The following RNF8 variants were observed in gnomAD, a reference collection of about 807,000 sequenced individuals.
The protein encoded by RNF8 is E3 ubiquitin-protein ligase RNF8.
In RNF8, 8 loss-of-function variants were observed where a neutral mutation model predicts 59.3. The observed-to-expected ratio is 0.13, with a 90% CI of 0.08 to 0.24. The LOEUF (loss-of-function observed/expected upper bound fraction) is 0.24, where lower values mean the gene tolerates loss of function less well. RNF8 is among the 10% of genes least tolerant of loss of function. The probability of loss-of-function intolerance (pLI) is 1.00; values close to 1 mark genes in which losing one functional copy is unlikely to be tolerated. For missense variants in RNF8, 406 were observed against 572.6 expected (o/e 0.71, Z 2.97); for synonymous variants, 162 against 200.0 (o/e 0.81, Z 1.60).
At chr6:37,361,770 T>C (rs1427846895) in intron 2 of RNF8, among the ~76,000 whole-genome samples, 1 of 152,196 alleles carries the variant, frequency 6.6e-6, no homozygotes, top group Non-Finnish European at 1.5e-5. Flanking sequence ...TAGAATTAAG[T>C]TGAGTTGGCA....
At position 37,360,244 on chromosome 6, in the gene RNF8, T is replaced by C. The variant is rs1213554033; in HGVS notation, c.112-202T>C. On this transcript the variant is annotated intron_variant, in intron 1 of 7. Transcript: ENST00000373479. This position sits in a 1 kb window ranked among gnomAD's most constrained non-coding sequence, Gnocchi z 4.2. ...ATAACTCTTTTTCAGCTTTCTCTTG[T>C]TGTCACAACCGTTTGCCTTTTTCTA... Among the ~76,000 whole-genome samples the C allele has an allele frequency of 6.6e-6, 1 of 152,196 alleles. No individual in the cohort carries two copies. Among genetic ancestry groups the C allele is most frequent in the Non-Finnish European group, 1.5e-5 (1 of 68,032 alleles).
rs1238752670 is a variant in RNF8, at chr6:37,392,692, A to G, written c.*1934A>G. The G allele has an allele frequency of 7.5e-6, 3 of 398,362 alleles. No individual in the cohort carries two copies. The highest frequency in any genetic ancestry group is 1.3e-5 in the Non-Finnish European group (3 of 226,020). The allele number at this position is 398,362 out of a possible 1,614,324, so 24.7% of individuals were successfully genotyped here. ...TCATTGTGTATTTGCACCATCATTT[A>G]CTTTTCTGGCTTACTTTTGATAGAA... On this transcript the variant is annotated 3_prime_UTR_variant, in exon 8 of 8. Coordinates refer to ENST00000373479, the MANE Select transcript of RNF8 (RefSeq NM_003958.4).
At position 37,393,861 on chromosome 6, in the gene RNF8, C is replaced by T. The variant is rs537049358; in HGVS notation, c.*3103C>T. 1 of 152,372 alleles carries T rather than the reference C, an allele frequency of 6.6e-6. No individual in the cohort carries two copies. The highest frequency in any genetic ancestry group is 1.9e-4 in the East Asian group (1 of 5,184). 9.4% of individuals were successfully genotyped at this position (152,372 alleles called of 1,614,324 possible). On this transcript the variant is annotated 3_prime_UTR_variant, in exon 8 of 8. Transcript: ENST00000373479. ...TCCAGTTCTCTCACTACTTTTTCCT[C>T]CTCTGTGAGTGACCATCCAGGCAGT...
chr6:37,387,393 T>TGCAGTGGCATGATCTCA (rs1274054121), intron 7 of RNF8, among the ~76,000 whole-genome samples: 2 of 152,190 alleles, frequency 1.3e-5, no homozygotes, highest in Non-Finnish European at 2.9e-5. Context: ...CCAGGCTGAG[T>TGCAGTGGCATGATCTCA]GCAGTGGCAT....
chr6:37,383,434 G>A (rs538435952), intron 7 of RNF8, among the ~76,000 whole-genome samples: 1 of 152,336 alleles, frequency 6.6e-6, no homozygotes, highest in South Asian at 2.1e-4. Flanking sequence ...TTAGGATCTG[G>A]AAACTAGGAT....
At chr6:37,365,983 C>G (rs1769535856) in intron 2 of RNF8, among the ~76,000 whole-genome samples, 2 of 152,096 alleles carry the variant, frequency 1.3e-5, no homozygotes, top group African/African-American at 4.8e-5. Flanking sequence ...GTACAAGGAT[C>G]CAAGGACAAA....
chr6:37,386,748 C>T (rs1250222414), intron 7 of RNF8, among the ~76,000 whole-genome samples: 1 of 152,224 alleles, frequency 6.6e-6, no homozygotes, highest in African/African-American at 2.4e-5. Flanking sequence ...ACCAGCCTAG[C>T]TTGTCCATCA....
Position 37,381,184 on chromosome 6 carries a change from C to G in RNF8, c.1271C>G (p.Ser424Cys), listed in dbSNP as rs1264454373. 11 of 1,614,188 alleles carry G rather than the reference C, an allele frequency of 6.8e-6. No homozygotes were observed. The highest frequency in any genetic ancestry group is 9.3e-6 in the Non-Finnish European group (11 of 1,180,024). Residue 424 changes from serine (S) to cysteine (C), a missense_variant, in exon 7 of 8, where the codon TCC (serine) becomes TGC (cysteine). Transcript: ENST00000373479. ...TTGAACTGTGCCCACAGTTTCTGCT[C>G]CTACTGTATCAATGAATGGATGAAG... The part of the protein sequence containing the change: ...VTLNCAHSFC[S>C]YCINEWMKRK...
intron 1 of RNF8, 51 bp downstream of exon 1, chr6:37,354,326 G>A: frequency 7.1e-7 from 1 of 1,403,826 alleles, no homozygotes; most frequent in Non-Finnish European, 9.6e-7. Context: ...GGAGGGAGCG[G>A]GGCTCCGGGG....
intron 1 of RNF8, among the ~76,000 whole-genome samples, chr6:37,355,315 T>C (rs1156672360): frequency 6.6e-6 from 1 of 152,224 alleles, no homozygotes; most frequent in Non-Finnish European, 1.5e-5. Context: ...TTGGTCATGA[T>C]GTAAATTCAA....
At position 37,369,096 on chromosome 6, in the gene RNF8, G is replaced by A. The variant is rs1379840479; in HGVS notation, c.853G>A (p.Val285Ile). The change falls in exon 3 of 8, where the codon GTT becomes ATT. Residue 285 changes from valine to isoleucine, a missense_variant. By Grantham distance (29) the Val-to-Ile change is conservative. Around this residue, in one of 3 missense-constraint regions of RNF8, gnomAD observed 285 missense variants for 342.0 expected, o/e 0.83. Transcript: ENST00000373479. ...GACCCAAAAGGGGAACTCAAAGAAA[G>A]TTGTGCAAATGGAGCAGGAACTTCA... ...KQTQKGNSKK[V>I]VQMEQELQDL... is the part of the protein sequence containing the mutation. 6.2e-7 allele frequency: 1 copy of A among 1,614,244 alleles called. No individual in the cohort carries two copies. Among genetic ancestry groups the A allele is most frequent in the Non-Finnish European group, 8.5e-7 (1 of 1,180,046 alleles).
chr6:37,394,188 G>A lies in RNF8; in HGVS notation c.*3430G>A, dbSNP rs115321600. 7.6e-3 allele frequency: 1,158 copies of A among 152,280 alleles called. 7 individuals carry two copies. Among genetic ancestry groups the A allele is most frequent in the Admixed American group, 0.011 (172 of 15,292 alleles). The allele number at this position is 152,280 out of a possible 1,614,324, so 9.4% of individuals were successfully genotyped here. A position where few individuals can be genotyped will look rare whatever the true frequency, so the allele number is the denominator to read the frequency against. On this transcript the variant is annotated 3_prime_UTR_variant, in exon 8 of 8. Transcript: ENST00000373479. ...GTCTCTTGCTCTGAGATACAGACTT[G>A]TTCATAGGTGTGGGGCCTGATTGGA...
At chr6:37,359,402 C>A (rs769827635) in intron 1 of RNF8, 1 of 259,308 alleles carries the variant, frequency 3.9e-6, no homozygotes, top group Non-Finnish European at 7.7e-6. Flanking sequence ...TTGCCTTTGG[C>A]TGCATCCCAT....
chr6:37,362,012 A>C (rs1403421923), intron 2 of RNF8, among the ~76,000 whole-genome samples: 1 of 152,196 alleles, frequency 6.6e-6, no homozygotes, highest in Non-Finnish European at 1.5e-5. Flanking sequence ...TAAAGTATGT[A>C]AGCAATTTGC....
rs1770758047 is a variant in RNF8 at position 37,392,647 on chromosome 6, T to G, written c.*1889T>G. 2.5e-6 allele frequency: 1 copy of G among 398,488 alleles called. No individual in the cohort carries two copies. The highest frequency in any genetic ancestry group is 2.1e-5 in the African/African-American group (1 of 48,626). 24.7% of individuals were successfully genotyped at this position (398,488 alleles called of 1,614,324 possible). On this transcript the variant is annotated 3_prime_UTR_variant, in exon 8 of 8. Transcript: ENST00000373479. The stretch of plus-strand genomic sequence containing the variant: ...ATGTCAGTACATAGTTTCCTTTCTT[T>G]ATTACAGCTGCCTGTTTTTTCATTG...
chr6:37,384,233 C>A (rs189153835), intron 7 of RNF8, among the ~76,000 whole-genome samples: 1 of 151,910 alleles, frequency 6.6e-6, no homozygotes, highest in East Asian at 1.9e-4. Flanking sequence ...CTCCCCCTCC[C>A]GGGTTTAAGT....
chr6:37,390,948 T>G lies in RNF8; in HGVS notation c.*190T>G. On this transcript the variant is annotated 3_prime_UTR_variant, in exon 8 of 8. Coordinates refer to ENST00000373479, the MANE Select transcript of RNF8 (RefSeq NM_003958.4). ...GGCCAGCCCTGCTGCCATCATTGGCTGAAGCACCACCAGGATTCACGGCAC... is the reference window on the plus strand; with the variant it reads ...GGCCAGCCCTGCTGCCATCATTGGCGGAAGCACCACCAGGATTCACGGCAC... 1.2e-6 allele frequency: 1 copy of G among 864,034 alleles called. No individual in the cohort carries two copies. Among genetic ancestry groups the G allele is most frequent in the East Asian group, 2.5e-5 (1 of 40,204 alleles). 53.5% of individuals were successfully genotyped at this position (864,034 alleles called of 1,614,324 possible). A position where few individuals can be genotyped will look rare whatever the true frequency, so the allele number is the denominator to read the frequency against.
intron 3 of RNF8, chr6:37,370,316 C>T (rs1340339878): frequency 1.3e-5 from 2 of 152,116 alleles, no homozygotes; most frequent in East Asian, 3.8e-4. Flanking sequence ...TTTTGCTTCC[C>T]TTATCCAGCC....
chr6:37,360,644 G>A lies in RNF8; in HGVS notation c.240+70G>A. 7.3e-6 allele frequency: 10 copies of A among 1,379,076 alleles called. No individual in the cohort carries two copies. Among genetic ancestry groups the A allele is most frequent in the Non-Finnish European group, 8.9e-6 (9 of 1,015,294 alleles). The allele number at this position is 1,379,076 out of a possible 1,614,324, so 85.4% of individuals were successfully genotyped here. A position where few individuals can be genotyped will look rare whatever the true frequency, so the allele number is the denominator to read the frequency against. ...ATTACTTTTTTTTTTTTTTGCATAGGTAATTCATGGTATAAAATTCAAAAG... is the reference window on the plus strand; with the variant it reads ...ATTACTTTTTTTTTTTTTTGCATAGATAATTCATGGTATAAAATTCAAAAG... On this transcript the variant is annotated intron_variant, in intron 2 of 7. Transcript: ENST00000373479. This position sits in a 1 kb window ranked among gnomAD's most constrained non-coding sequence, Gnocchi z 4.2.
Sources: allele counts gnomAD v4.1 joint callset (sites outside exome capture counted in the v4.1 genomes callset), GRCh38; gene constraint gnomAD v4.1.1; regional missense constraint gnomAD v4.1.1; non-coding constraint Gnocchi (gnomAD v3.1); transcripts MANE v1.5; gene names NCBI Gene and HGNC (gene_info 2026-07-23, HGNC 2026-07-21).